WDSUB1: variants seen among roughly 807,000 people sequenced by gnomAD.
WDSUB1 encodes WD repeat, SAM and U-box domain-containing protein 1.
Under a neutral mutation model 53.9 loss-of-function variants are expected in WDSUB1, and 49 were observed. The ratio of observed to expected loss-of-function variants is 0.91; its 90% CI spans 0.72 to 1.15. The LOEUF (loss-of-function observed/expected upper bound fraction) is 1.15. Among genes scored for constraint, WDSUB1 ranks in the 50% most tolerant of loss-of-function variants. WDSUB1 has a pLI of 0.00. For synonymous variants in WDSUB1, 194 were observed against 200.6 expected, an observed-to-expected ratio of 0.97 and a Z score of 0.28; for missense variants, 514 against 562.0, an observed-to-expected ratio of 0.91 and a Z score of 0.86.
chr2:159,243,188 G>A (rs1038071682), intron 10 of WDSUB1, among the ~76,000 whole-genome samples: 2 of 147,850 alleles, frequency 1.4e-5, no homozygotes, highest in Non-Finnish European at 2.9e-5. Flanking sequence ...TGAGTGGTAA[G>A]TCTACAGGGA....
chr2:159,275,243 TA>T (rs70994282), intron 4 of WDSUB1, among the ~76,000 whole-genome samples: 6,387 of 151,934 alleles, frequency 0.042, 196 homozygotes, highest in South Asian at 0.065. Context: ...AGTGAATAAA[TA>T]AAAAAATGTA....
rs2061094648 is a variant in WDSUB1, at chr2:159,257,667, T to C, written c.952+91A>G. The C allele has an allele frequency of 1.3e-5, 14 of 1,103,148 alleles. 1 individual carries two copies. In the South Asian group the frequency reaches 2.0e-4, roughly 15 times the overall value. The allele number at this position is 1,103,148 out of a possible 1,614,324, so 68.3% of individuals were successfully genotyped here. On this transcript the variant is annotated intron_variant, in intron 8 of 10. Transcript: ENST00000359774. ...CCTCCCAAAGTGCTGGGATTACAGG[T>C]GTGAGCCGCGGTGCCCAGCCCGATT...
rs775153381 is a variant in WDSUB1 at position 159,283,777 on chromosome 2, C to G, written c.-24-684G>C. Among the ~76,000 whole-genome samples, 89 of 152,260 alleles carry G rather than the reference C, an allele frequency of 5.8e-4. 1 individual carries two copies. The Middle Eastern group carries it at 0.014, about 23-fold the overall frequency. ...AGTTCCTAACAGGCCATGATGGGTA[C>G]CAGTCCTCGGCCCTGGGGGTTGGGG... On this transcript the variant is annotated intron_variant, in intron 1 of 10. Coordinates refer to ENST00000359774, the MANE Select transcript of WDSUB1 (RefSeq NM_001128212.3).
intron 10 of WDSUB1, among the ~76,000 whole-genome samples, chr2:159,239,733 G>C (rs1440854867): frequency 6.6e-6 from 1 of 152,116 alleles, no homozygotes; most frequent in Non-Finnish European, 1.5e-5. Context: ...GACCAGCCTG[G>C]GCGACATGGT....
intron 4 of WDSUB1, among the ~76,000 whole-genome samples, chr2:159,272,198 G>A (rs2061456915): frequency 6.6e-6 from 1 of 152,194 alleles, no homozygotes; most frequent in South Asian, 2.1e-4. Flanking sequence ...CATTAAAGCA[G>A]AATCACCTCA....
At chr2:159,251,901 A>G (rs550091241) in intron 9 of WDSUB1, among the ~76,000 whole-genome samples, 1 of 152,212 alleles carries the variant, frequency 6.6e-6, no homozygotes, top group African/African-American at 2.4e-5. Context: ...ATGTGGGTAC[A>G]TGAATGAGAC....
chr2:159,260,191 T>C (rs2061159112), intron 5 of WDSUB1, among the ~76,000 whole-genome samples: 1 of 151,826 alleles, frequency 6.6e-6, no homozygotes, highest in African/African-American at 2.4e-5. Flanking sequence ...TGTAATCCCA[T>C]CTCCTTGGTA....
intron 9 of WDSUB1, among the ~76,000 whole-genome samples, chr2:159,251,856 G>A (rs2060957611): frequency 6.6e-6 from 1 of 152,180 alleles, no homozygotes; most frequent in Non-Finnish European, 1.5e-5. Context: ...CGGGGTTCCG[G>A]AGTGAGAGCT....
intron 3 of WDSUB1, 94 bp downstream of exon 3, chr2:159,279,667 T>C (rs2061610735): frequency 2.6e-6 from 3 of 1,167,334 alleles, no homozygotes; most frequent in South Asian, 4.6e-5. Flanking sequence ...ACTCTACTAA[T>C]GATAACATAA....
At chr2:159,269,557 A>G (rs574045728) in intron 5 of WDSUB1, among the ~76,000 whole-genome samples, 1 of 152,332 alleles carries the variant, frequency 6.6e-6, no homozygotes, top group South Asian at 2.1e-4. Flanking sequence ...GTGGATATGC[A>G]AAAACCTCAA....
At chr2:159,264,850 GAGGT>G (rs1476822135) in intron 5 of WDSUB1, among the ~76,000 whole-genome samples, 1 of 152,110 alleles carries the variant, frequency 6.6e-6, no homozygotes, top group African/African-American at 2.4e-5. Flanking sequence ...TTGGGAGGCT[GAGGT>G]AGGCGGATCA....
chr2:159,269,055 G>A (rs2061398282), intron 5 of WDSUB1, among the ~76,000 whole-genome samples: 1 of 151,998 alleles, frequency 6.6e-6, no homozygotes, highest in Non-Finnish European at 1.5e-5. Flanking sequence ...GGTGTAATGT[G>A]CCTTTAATTG....
rs140212332 is a variant in WDSUB1 at position 159,263,464 on chromosome 2, A to G, written c.771-3621T>C. On this transcript the variant is annotated intron_variant, in intron 5 of 10. Coordinates refer to ENST00000359774, the MANE Select transcript of WDSUB1 (RefSeq NM_001128212.3). ...ATTAATATAGATTAATATCAAAAAC[A>G]CGTGTCATAGGTCCTGTCCACTTTG... 2.2e-3 allele frequency among the ~76,000 whole-genome samples: 333 copies of G among 152,344 alleles called. 1 individual carries two copies. Among genetic ancestry groups the G allele is most frequent in the African/African-American group, 7.3e-3 (305 of 41,584 alleles).
chr2:159,267,947 C>T (rs1215678703), intron 5 of WDSUB1, among the ~76,000 whole-genome samples: 1 of 152,082 alleles, frequency 6.6e-6, no homozygotes, highest in East Asian at 1.9e-4. Context: ...TGAATGTGAC[C>T]TTGAGCAACA....
chr2:159,273,568 G>A (rs143391287), intron 4 of WDSUB1, among the ~76,000 whole-genome samples: 4,323 of 152,020 alleles, frequency 0.028, 197 homozygotes, highest in African/African-American at 0.094. Flanking sequence ...CTACAGGTGT[G>A]CACTACCACA....
In WDSUB1 at chr2:159,264,910, C is replaced by A. The variant is rs967097758; in HGVS notation, c.771-5067G>T. 2.0e-5 allele frequency among the ~76,000 whole-genome samples: 3 copies of A among 152,026 alleles called. No individual in the cohort carries two copies. The Middle Eastern group carries it at 0.01, about 517-fold the overall frequency. The stretch of plus-strand genomic sequence containing the variant: ...ACCAGCCTGGCCAACATGGTGAAAC[C>A]CTGTCTCTACTAAAAATACAAAAAT... On this transcript the variant is annotated intron_variant, in intron 5 of 10. Coordinates refer to ENST00000359774, the MANE Select transcript of WDSUB1 (RefSeq NM_001128212.3).
At chr2:159,262,881 T>C (rs1362498411) in intron 5 of WDSUB1, among the ~76,000 whole-genome samples, 1 of 152,226 alleles carries the variant, frequency 6.6e-6, no homozygotes, top group Non-Finnish European at 1.5e-5. Context: ...TCCCTGGTTA[T>C]GTATTTTCTT....
chr2:159,257,629 A>G, intron 8 of WDSUB1, 129 bp downstream of exon 8: 2 of 703,008 alleles, frequency 2.8e-6, no homozygotes, highest in Non-Finnish European at 4.9e-6. Flanking sequence ...CTCAAGTGAT[A>G]CACCCACCTT....
chr2:159,239,539 CAAT>C (rs1038917872), intron 10 of WDSUB1, among the ~76,000 whole-genome samples: 3 of 132,308 alleles, frequency 2.3e-5, no homozygotes, highest in African/African-American at 1.1e-4. Flanking sequence ...ATTTCTAAAA[CAAT>C]AGCTGAGAGA....
Sources: gnomAD v4.1 joint callset for allele counts (sites outside exome capture counted in the v4.1 genomes callset) on GRCh38, gnomAD v4.1.1 for gene constraint, MANE v1.5 for transcripts, NCBI Gene and HGNC (gene_info 2026-07-23, HGNC 2026-07-21) for gene names.